The following ZFP1 variants were observed in gnomAD, a reference collection of about 807,000 sequenced individuals.
The protein encoded by ZFP1 is ZFP1 zinc finger protein.
Under a neutral mutation model 38.5 loss-of-function variants are expected in ZFP1, and 32 were observed. That is an observed-to-expected ratio of 0.83 (90% CI 0.63 to 1.12). The LOEUF (loss-of-function observed/expected upper bound fraction) is 1.12, where lower values mean the gene tolerates loss of function less well. Ranked by LOEUF, ZFP1 falls within the 50% of genes most tolerant of loss-of-function variation. The pLI is 0.00. For synonymous variants in ZFP1, 245 were observed against 168.8 expected, an observed-to-expected ratio of 1.45 and a Z score of -3.50; for missense variants, 616 against 480.8, an observed-to-expected ratio of 1.28 and a Z score of -2.63.
the ZFP1 span, among the ~76,000 whole-genome samples, chr16:75,125,309 A>G: frequency 6.6e-6 from 1 of 152,042 alleles, no homozygotes; most frequent in East Asian, 1.9e-4. Flanking sequence ...ATCTGCCTGT[A>G]TGTACTTTTG....
the ZFP1 span, among the ~76,000 whole-genome samples, chr16:75,133,412 C>G: frequency 6.6e-6 from 1 of 152,106 alleles, no homozygotes. Context: ...CTTTTCTGCT[C>G]CTCTCCTCCC....
intron 2 of ZFP1, among the ~76,000 whole-genome samples, chr16:75,154,832 C>T (rs935345522): frequency 6.6e-6 from 1 of 152,056 alleles, no homozygotes; most frequent in Non-Finnish European, 1.5e-5. Flanking sequence ...GAGTCTTGCT[C>T]TGTCACACAG....
chr16:75,149,333 C>T (rs1209778906), intron 1 of ZFP1: 1 of 152,066 alleles, frequency 6.6e-6, no homozygotes, highest in Non-Finnish European at 1.5e-5. Context: ...GCCATGTATA[C>T]GTTTTGACGT....
the ZFP1 span, among the ~76,000 whole-genome samples, chr16:75,143,048 T>G: frequency 6.6e-6 from 1 of 152,152 alleles, no homozygotes; most frequent in Non-Finnish European, 1.5e-5. Flanking sequence ...TATATTTTAT[T>G]TGACTTTGAC....
Position 75,169,511 on chromosome 16 carries a change from G to T in ZFP1, c.401G>T (p.Cys134Phe), listed in dbSNP as rs138454251. ...TATGCAGGAAAGCAGACTGATGAGTGTAATGAATTTGGAAAAGCACTTCTC... is the reference window on the plus strand; with the variant it reads ...TATGCAGGAAAGCAGACTGATGAGTTTAATGAATTTGGAAAAGCACTTCTC... Reference protein sequence around the residue: ...RSYAGKQTDECNEFGKALLYL... With the variant: ...RSYAGKQTDEFNEFGKALLYL... Residue 134 changes from cysteine to phenylalanine, a missense_variant, in exon 4 of 4, where the codon TGT becomes TTT. Coordinates refer to ENST00000570010, the MANE Select transcript of ZFP1 (RefSeq NM_153688.4). 1 of 1,613,248 alleles carries T rather than the reference G, an allele frequency of 6.2e-7. No homozygotes were observed. Among genetic ancestry groups the T allele is most frequent in the South Asian group, 1.1e-5 (1 of 90,872 alleles).
At chr16:75,119,769 A>T in the ZFP1 span, among the ~76,000 whole-genome samples, 1 of 151,930 alleles carries the variant, frequency 6.6e-6, no homozygotes, top group African/African-American at 2.4e-5. Flanking sequence ...ATTGGGTTTG[A>T]TCAACTCTAT....
At chr16:75,159,539 CT>C (rs1396582657) in intron 2 of ZFP1, among the ~76,000 whole-genome samples, 4 of 151,120 alleles carry the variant, frequency 2.6e-5, no homozygotes, top group Non-Finnish European at 5.9e-5. Flanking sequence ...TCTTGTGAAG[CT>C]GGGTCCACAG....
At chr16:75,146,202 G>A (rs954876017), upstream of ZFP1, among the ~76,000 whole-genome samples, 16 of 147,898 alleles carry the variant, frequency 1.1e-4, no homozygotes, top group South Asian at 2.1e-4. Context: ...TCGCTCTGTC[G>A]CCCAGGCTGG....
chr16:75,167,108 T>G (rs2038132375), intron 3 of ZFP1, among the ~76,000 whole-genome samples: 2 of 152,248 alleles, frequency 1.3e-5, no homozygotes, highest in South Asian at 4.1e-4. Flanking sequence ...GTCCCATTAG[T>G]AAATGGCTGT....
the ZFP1 span, among the ~76,000 whole-genome samples, chr16:75,134,126 A>C: frequency 2.0e-5 from 3 of 152,216 alleles, no homozygotes; most frequent in South Asian, 2.1e-4. Flanking sequence ...TGAAAGGTAT[A>C]GGATTTCTTT....
chr16:75,154,581 T>C (rs975255245), intron 2 of ZFP1, among the ~76,000 whole-genome samples: 5 of 151,200 alleles, frequency 3.3e-5, no homozygotes, highest in African/African-American at 1.2e-4. Context: ...GAGTTTTTTT[T>C]TTTTTTTTTT....
chr16:75,129,016 C>T, the ZFP1 span, among the ~76,000 whole-genome samples: 2 of 152,138 alleles, frequency 1.3e-5, no homozygotes, highest in Non-Finnish European at 2.9e-5. Flanking sequence ...TCTCAAACTC[C>T]CGACCTCAGG....
intron 2 of ZFP1, chr16:75,166,483 C>T (rs2038089897): frequency 1.1e-6 from 1 of 945,310 alleles, no homozygotes. Context: ...GCCCACCTAG[C>T]CTCCCAAAGT....
At chr16:75,139,387 A>AAAAACAAAAACAAAAAC in the ZFP1 span, among the ~76,000 whole-genome samples, 449 of 144,220 alleles carry the variant, frequency 3.1e-3, 9 homozygotes, top group African/African-American at 0.012. Flanking sequence ...AAAAAAAAAA[A>AAAAACAAAAACAAAAAC]AAAAAAAAAC....
the ZFP1 span, among the ~76,000 whole-genome samples, chr16:75,135,456 T>C: frequency 1.3e-5 from 2 of 152,184 alleles, no homozygotes; most frequent in East Asian, 1.9e-4. Context: ...GATAAAACCA[T>C]AGGGACAGTA....
At position 75,170,349 on chromosome 16, in the gene ZFP1, C is replaced by G. The variant is rs758288158; in HGVS notation, c.*15C>G. The G allele has an allele frequency of 1.9e-6, 3 of 1,548,992 alleles. No homozygotes were observed. Among genetic ancestry groups the G allele is most frequent in the Admixed American group, 2.0e-5 (1 of 50,490 alleles). ...AGAAACCCTGAAACTCCAGCCAGGT[C>G]TTACTGTGGAAAACTCCTGCCAGAA... On this transcript the variant is annotated 3_prime_UTR_variant, in exon 4 of 4. Coordinates refer to ENST00000570010, the MANE Select transcript of ZFP1 (RefSeq NM_153688.4).
rs148482195 is a variant in ZFP1, at chr16:75,169,302, C to A, written c.192C>A (p.Asp64Glu). The change falls in exon 4 of 4, where the codon GAC becomes GAA. Residue 64 changes from aspartate to glutamate, a missense_variant. Transcript: ENST00000570010. ...DQMERDHRNP[D>E]EQARQFLILK... is the part of the protein sequence containing the mutation. ...TGGAGAGAGACCACAGAAACCCAGA[C>A]GAGCAGGCGAGGCAATTTTTAATTC... 1 of 1,613,842 alleles carries A rather than the reference C, an allele frequency of 6.2e-7. No individual in the cohort carries two copies. The highest frequency in any genetic ancestry group is 1.7e-5 in the Admixed American group (1 of 59,914).
intron 1 of ZFP1, among the ~76,000 whole-genome samples, chr16:75,151,457 C>A (rs2037200308): frequency 1.3e-5 from 2 of 151,626 alleles, no homozygotes; most frequent in African/African-American, 2.4e-5. Flanking sequence ...TTAAGTGGGT[C>A]TTTTTTATAA....
At chr16:75,153,110 C>A (rs2037291472) in intron 2 of ZFP1, 144 bp downstream of exon 2, 12 of 1,088,162 alleles carry the variant, frequency 1.1e-5, no homozygotes, top group Non-Finnish European at 1.6e-5. Context: ...AGCCAAAAAG[C>A]AAATTGAGTT....
Sources: allele counts gnomAD v4.1 joint callset (sites outside exome capture counted in the v4.1 genomes callset), GRCh38; gene constraint gnomAD v4.1.1; transcripts MANE v1.5; gene names NCBI Gene and HGNC (gene_info 2026-07-23, HGNC 2026-07-21).